AGBL1: variants seen among roughly 807,000 people sequenced by gnomAD.
AGBL1 encodes AGBL carboxypeptidase 1.
AGBL1 carries 130 observed loss-of-function variants against 118.9 expected under a neutral mutation model. That is an observed-to-expected ratio of 1.09 (90% CI 0.95 to 1.26). The LOEUF is 1.26. AGBL1 is among the 50% of genes most tolerant of loss of function. The pLI is 0.00. For missense variants in AGBL1, 1,584 were observed against 1,298.1 expected (o/e 1.22, Z -3.38); for synonymous variants, 555 against 478.9 (o/e 1.16, Z -2.08).
intron 24 of AGBL1, among the ~76,000 whole-genome samples, chr15:87,026,903 G>A (rs533405902): frequency 6.6e-6 from 1 of 152,124 alleles, no homozygotes; most frequent in South Asian, 2.1e-4. Flanking sequence ...ACCAAACATT[G>A]TATGTTCACA....
Position 86,909,838 on chromosome 15 carries a change from G to A in AGBL1, c.*2544G>A, listed in dbSNP as rs1056373227. 1 of 152,098 alleles carries A rather than the reference G, an allele frequency of 6.6e-6. No homozygotes were observed. The highest frequency in any genetic ancestry group is 1.5e-5 in the Non-Finnish European group (1 of 68,014). 9.4% of individuals were successfully genotyped at this position (152,098 alleles called of 1,614,324 possible). ...AAATTAGTTTTGGGGGTTAGCTTCT[G>A]GTCATGAGGCATGTTTCTTAAAAAA... is the stretch of plus-strand genomic sequence containing the variant. On this transcript the variant is annotated 3_prime_UTR_variant, in exon 23 of 23. Transcript: ENST00000614907.
At chr15:86,300,741 A>G (rs144570808) in intron 17 of AGBL1, among the ~76,000 whole-genome samples, 117 of 152,314 alleles carry the variant, frequency 7.7e-4, no homozygotes, top group Non-Finnish European at 1.4e-3. Flanking sequence ...GAAAAGCAAG[A>G]GGCTGCATTT....
At chr15:86,510,051 G>A (rs1249459653) in intron 18 of AGBL1, among the ~76,000 whole-genome samples, 1 of 150,742 alleles carries the variant, frequency 6.6e-6, no homozygotes, top group Non-Finnish European at 1.5e-5. Flanking sequence ...GATGACTCTT[G>A]ACATTCTTTT....
chr15:86,803,266 A>G (rs568861860), intron 22 of AGBL1, among the ~76,000 whole-genome samples: 1 of 152,080 alleles, frequency 6.6e-6, no homozygotes, highest in Non-Finnish European at 1.5e-5. Context: ...AGTTCTCATG[A>G]GATCTGATGG....
chr15:86,082,294 G>A (rs1567042484), intron 1 of AGBL1, among the ~76,000 whole-genome samples: 1 of 152,232 alleles, frequency 6.6e-6, no homozygotes, highest in Non-Finnish European at 1.5e-5. Flanking sequence ...GAAAGGGTTA[G>A]CTGAACCTGT....
At chr15:86,435,584 T>C (rs940475666) in intron 18 of AGBL1, among the ~76,000 whole-genome samples, 2 of 152,354 alleles carry the variant, frequency 1.3e-5, no homozygotes, top group African/African-American at 2.4e-5. Context: ...TGTCATTTTA[T>C]TAAAACTCAA....
At chr15:86,457,896 C>T (rs2082280450) in intron 18 of AGBL1, among the ~76,000 whole-genome samples, 1 of 152,146 alleles carries the variant, frequency 6.6e-6, no homozygotes, top group Admixed American at 6.5e-5. Flanking sequence ...GTGAGTGCCC[C>T]CGATTCTTCC....
chr15:86,555,663 T>G (rs1211074527), intron 21 of AGBL1, among the ~76,000 whole-genome samples: 1 of 152,166 alleles, frequency 6.6e-6, no homozygotes, highest in Non-Finnish European at 1.5e-5. Context: ...CTGAAATCAT[T>G]GGATGAGTCT....
In AGBL1 at chr15:86,669,040, A is replaced by C. The variant is rs1275765097; in HGVS notation, c.2995-5233A>C. Among the ~76,000 whole-genome samples the C allele has an allele frequency of 3.3e-5, 5 of 152,186 alleles. No individual in the cohort carries two copies. In the East Asian group the frequency reaches 9.6e-4, roughly 29 times the overall value. On this transcript the variant is annotated intron_variant, in intron 21 of 22. Coordinates refer to ENST00000614907, the MANE Select transcript of AGBL1 (RefSeq NM_001386094.1). The stretch of plus-strand genomic sequence containing the variant: ...GTCCTCAAGTACTTAGGGGAGAAAA[A>C]CAAAAGTTCCAACTGAAGAAAAGAG...
intron 17 of AGBL1, among the ~76,000 whole-genome samples, chr15:86,394,587 G>T (rs1248540895): frequency 6.6e-6 from 1 of 152,086 alleles, no homozygotes; most frequent in Non-Finnish European, 1.5e-5. Flanking sequence ...ACATCCAGAA[G>T]TAACGAAGAA....
At chr15:86,691,051 A>AT (rs964663832) in intron 22 of AGBL1, among the ~76,000 whole-genome samples, 85 of 151,428 alleles carry the variant, frequency 5.6e-4, no homozygotes, top group Middle Eastern at 3.4e-3. Context: ...AGTAGGTTGC[A>AT]TTTTTTTTTC....
chr15:86,526,238 A>C (rs969874906), intron 19 of AGBL1, among the ~76,000 whole-genome samples: 1 of 152,130 alleles, frequency 6.6e-6, no homozygotes, highest in Non-Finnish European at 1.5e-5. Flanking sequence ...GATGCAGTCA[A>C]AAGGGAATGC....
intron 1 of AGBL1, among the ~76,000 whole-genome samples, chr15:86,118,927 C>A (rs1200206099): frequency 6.6e-6 from 1 of 152,176 alleles, no homozygotes; most frequent in East Asian, 1.9e-4. Context: ...GTACCAGGAA[C>A]TTTACAGACA....
chr15:86,776,430 T>C (rs2078256142), intron 22 of AGBL1, among the ~76,000 whole-genome samples: 1 of 152,116 alleles, frequency 6.6e-6, no homozygotes, highest in South Asian at 2.1e-4. Flanking sequence ...CCTCATATTT[T>C]ATTTATTTGT....
intron 21 of AGBL1, among the ~76,000 whole-genome samples, chr15:86,594,135 G>C (rs546691649): frequency 6.6e-6 from 1 of 152,008 alleles, no homozygotes; most frequent in Admixed American, 6.6e-5. Context: ...ATGTTACCCA[G>C]GCTGGCCTCA....
intron 18 of AGBL1, among the ~76,000 whole-genome samples, chr15:86,478,892 C>A (rs558898222): frequency 1.4e-4 from 21 of 152,050 alleles, no homozygotes; most frequent in South Asian, 4.2e-4. Flanking sequence ...GAGATATAGA[C>A]CAATGGAACA....
chr15:86,119,641 C>G (rs969226270), intron 1 of AGBL1, among the ~76,000 whole-genome samples: 2 of 148,490 alleles, frequency 1.3e-5, no homozygotes, highest in African/African-American at 5.1e-5. Context: ...AAGAGCATAT[C>G]TCAGAAAAGT....
At chr15:86,923,087 A>G (rs956373834) in intron 23 of AGBL1, among the ~76,000 whole-genome samples, 1 of 152,160 alleles carries the variant, frequency 6.6e-6, no homozygotes, top group Non-Finnish European at 1.5e-5. Context: ...CAGGGATGCA[A>G]TCGCTGAAGC....
intron 22 of AGBL1, among the ~76,000 whole-genome samples, chr15:86,878,604 T>C (rs1463200293): frequency 2.0e-5 from 3 of 152,148 alleles, no homozygotes; most frequent in Non-Finnish European, 2.9e-5. Context: ...AATCTCTTTC[T>C]GTTTTTCTTG....
Sources: gnomAD v4.1 joint callset for allele counts (sites outside exome capture counted in the v4.1 genomes callset) on GRCh38, gnomAD v4.1.1 for gene constraint, MANE v1.5 for transcripts, NCBI Gene and HGNC (gene_info 2026-07-23, HGNC 2026-07-21) for gene names.